The following MPDZ variants were observed in gnomAD, a reference collection of about 807,000 sequenced individuals.
MPDZ encodes the protein multiple PDZ domain protein.
MPDZ carries 234 observed loss-of-function variants against 239.1 expected under a neutral mutation model. That is an observed-to-expected ratio of 0.98 (90% CI 0.88 to 1.09). The LOEUF (loss-of-function observed/expected upper bound fraction) is 1.09. Among genes scored for constraint, MPDZ ranks in the 50% least tolerant of loss-of-function variants. The pLI is 0.00. For synonymous variants in MPDZ, 1,048 were observed against 881.3 expected, an observed-to-expected ratio of 1.19 and a Z score of -3.35; for missense variants, 3,175 against 2,510.0, an observed-to-expected ratio of 1.26 and a Z score of -5.66.
At chr9:13,110,611 A>G in intron 44 of MPDZ, 25 bp downstream of exon 44, 4 of 1,568,130 alleles carry the variant, frequency 2.6e-6, no homozygotes, top group Non-Finnish European at 3.5e-6. Context: ...TATATTCTGA[A>G]TTATGCTTGG....
intron 35 of MPDZ, 114 bp downstream of exon 35, chr9:13,125,102 C>A (rs1268673761): frequency 1.0e-5 from 10 of 996,932 alleles, no homozygotes; most frequent in Non-Finnish European, 1.3e-5. Context: ...GGCTCCCTGA[C>A]TACAACCTTC....
At chr9:13,147,954 A>C (rs905434687) in intron 25 of MPDZ, among the ~76,000 whole-genome samples, 4 of 152,056 alleles carry the variant, frequency 2.6e-5, no homozygotes, top group Non-Finnish European at 5.9e-5. Context: ...AAATTAAAAA[A>C]ATCAGTATCA....
chr9:13,278,419 C>T (rs1383178628), intron 1 of MPDZ, among the ~76,000 whole-genome samples: 1 of 151,996 alleles, frequency 6.6e-6, no homozygotes, highest in Non-Finnish European at 1.5e-5. Flanking sequence ...TACCTCCCGC[C>T]GGCGCCTGGC....
chr9:13,133,003 A>C (rs1946235712), intron 32 of MPDZ, among the ~76,000 whole-genome samples: 1 of 152,214 alleles, frequency 6.6e-6, no homozygotes, highest in South Asian at 2.1e-4. Context: ...GGATATTTAA[A>C]AATTATCTAA....
At chr9:13,252,825 C>T (rs1294323382) in intron 1 of MPDZ, among the ~76,000 whole-genome samples, 2 of 151,978 alleles carry the variant, frequency 1.3e-5, no homozygotes, top group Non-Finnish European at 2.9e-5. Flanking sequence ...TTTAATCACC[C>T]AGGAGGAAGC....
At chr9:13,176,478 T>A in intron 19 of MPDZ, 61 bp from the exon 20 acceptor site, 1 of 1,284,200 alleles carries the variant, frequency 7.8e-7, no homozygotes, top group Non-Finnish European at 1.0e-6. Flanking sequence ...TACATCAATA[T>A]ATAACATCAC....
chr9:13,274,681 C>T (rs1484117531), intron 1 of MPDZ: 1 of 150,988 alleles, frequency 6.6e-6, no homozygotes, highest in African/African-American at 2.4e-5. Context: ...TCATATTTTC[C>T]CAAAAGGGGG....
At chr9:13,236,857 A>G (rs1481550579) in intron 3 of MPDZ, among the ~76,000 whole-genome samples, 1 of 148,454 alleles carries the variant, frequency 6.7e-6, no homozygotes, top group Admixed American at 6.7e-5. Flanking sequence ...AGGATGTTTT[A>G]CCTCTCCCCT....
chr9:13,141,830 G>A (rs1947741545), intron 27 of MPDZ, among the ~76,000 whole-genome samples: 1 of 152,124 alleles, frequency 6.6e-6, no homozygotes, highest in Non-Finnish European at 1.5e-5. Context: ...TCAGATTACA[G>A]AATCTGCTAT....
intron 4 of MPDZ, 83 bp from the exon 5 acceptor site, chr9:13,223,793 AG>A: frequency 1.4e-6 from 2 of 1,421,642 alleles, no homozygotes; most frequent in Non-Finnish European, 1.9e-6. Flanking sequence ...GCACTTTGGG[AG>A]GCCAAGGTGG....
intron 32 of MPDZ, among the ~76,000 whole-genome samples, chr9:13,127,301 A>G (rs1219980517): frequency 6.6e-6 from 1 of 152,176 alleles, no homozygotes; most frequent in Non-Finnish European, 1.5e-5. Flanking sequence ...AGACAACAGC[A>G]TTTCAATCTG....
chr9:13,114,297 A>G (rs1259206471), intron 40 of MPDZ, among the ~76,000 whole-genome samples: 1 of 152,214 alleles, frequency 6.6e-6, no homozygotes, highest in African/African-American at 2.4e-5. Flanking sequence ...ATTCAAACTA[A>G]TCTTCTTTAA....
At chr9:13,278,237 A>G (rs1564189718) in intron 1 of MPDZ, among the ~76,000 whole-genome samples, 2 of 152,222 alleles carry the variant, frequency 1.3e-5, no homozygotes, top group East Asian at 1.9e-4. Context: ...TGGTCCTCTT[A>G]TCTATCTGAT....
At position 13,217,224 on chromosome 9, in the gene MPDZ, C is replaced by G; in HGVS notation, c.1157G>C (p.Gly386Ala). The change falls in exon 9 of 47, where the codon GGA (glycine) becomes GCA (alanine). Residue 386 changes from glycine to alanine, a missense_variant. Physicochemically the swap from Gly to Ala is moderately conservative, Grantham distance 60. Coordinates refer to ENST00000319217, the MANE Select transcript of MPDZ (RefSeq NM_001378778.1). Reference sequence around the variant, plus strand: ...GTAGCCAGCAATGGTAATTCCTAATCCTTGGACATTTTTAGTGAGTTCTAC... The same window carrying G: ...GTAGCCAGCAATGGTAATTCCTAATGCTTGGACATTTTTAGTGAGTTCTAC... ...FDVELTKNVQ[G>A]LGITIAGYIG... 1 of 1,603,728 alleles carries G rather than the reference C, an allele frequency of 6.2e-7. No homozygotes were observed. The highest frequency in any genetic ancestry group is 8.5e-7 in the Non-Finnish European group (1 of 1,175,242).
chr9:13,118,098 C>A (rs1943770608), intron 39 of MPDZ, among the ~76,000 whole-genome samples: 1 of 152,158 alleles, frequency 6.6e-6, no homozygotes, highest in African/African-American at 2.4e-5. Context: ...CCCGCCTCAG[C>A]CTCCCAAAGT....
chr9:13,124,454 C>T (rs560573259), intron 35 of MPDZ, among the ~76,000 whole-genome samples: 2 of 152,286 alleles, frequency 1.3e-5, no homozygotes, highest in South Asian at 4.1e-4. Flanking sequence ...CTCCCCTCCA[C>T]CCCCCGTTAC....
rs151211050 is a variant in MPDZ at position 13,131,535 on chromosome 9, A to G, written c.4464+2289T>C. ...TGAAGCGAAACCGCCATGGTGACCA[A>G]TGTTTGACTCCTGCATACCAAGGTG... On this transcript the variant is annotated intron_variant, in intron 32 of 46. Transcript: ENST00000319217. Among the ~76,000 whole-genome samples, 1,145 of 152,244 alleles carry G rather than the reference A, an allele frequency of 7.5e-3. 9 individuals carry two copies. The highest frequency in any genetic ancestry group is 0.021 in the African/African-American group (877 of 41,546).
chr9:13,234,817 AT>A (rs35641617), intron 3 of MPDZ, among the ~76,000 whole-genome samples: 125,985 of 151,280 alleles, frequency 0.83, 52,804 homozygotes, highest in East Asian at 0.99. Flanking sequence ...GAAATGCAGA[AT>A]TTTTTTTTTT....
At chr9:13,181,684 C>T (rs1327189034) in intron 19 of MPDZ, among the ~76,000 whole-genome samples, 1 of 152,170 alleles carries the variant, frequency 6.6e-6, no homozygotes, top group East Asian at 1.9e-4. Context: ...GGCAAACAGA[C>T]TTCGGTAAGC....
Sources: gnomAD v4.1 joint callset for allele counts (sites outside exome capture counted in the v4.1 genomes callset) on GRCh38, gnomAD v4.1.1 for gene constraint, MANE v1.5 for transcripts, NCBI Gene and HGNC (gene_info 2026-07-23, HGNC 2026-07-21) for gene names.